Variants in PTPRM observed in about 807,000 individuals in gnomAD.
PTPRM encodes receptor-type tyrosine-protein phosphatase mu.
A neutral mutation model predicts 186.7 loss-of-function variants in PTPRM; 47 were observed. The ratio of observed to expected loss-of-function variants is 0.25; its 90% confidence interval spans 0.20 to 0.32. The LOEUF (loss-of-function observed/expected upper bound fraction) is 0.32, where lower values mean the gene tolerates loss of function less well. Among genes scored for constraint, PTPRM ranks in the 10% least tolerant of loss-of-function variants. The pLI, the probability that PTPRM is intolerant of heterozygous loss-of-function variation, is 1.00. For synonymous variants in PTPRM, 668 were observed against 674.9 expected (o/e 0.99, Z 0.16); for missense variants, 1,494 against 1,865.0 (o/e 0.80, Z 3.66).
chr18:7,906,494 T>G lies in PTPRM; in HGVS notation c.469-11T>G, dbSNP rs776093956. ...ATGAATAAATAATGTAAATCTTTCT[T>G]AATTTTCCAGGTGATTTTTGAAGTG... is the stretch of plus-strand genomic sequence containing the variant. On this transcript the variant is annotated splice_polypyrimidine_tract_variant and intron_variant, in intron 3 of 32. Transcript: ENST00000580170. The G allele has an allele frequency of 6.3e-7, 1 of 1,597,366 alleles. No homozygotes were observed. The highest frequency in any genetic ancestry group is 1.1e-5 in the South Asian group (1 of 90,700).
rs561257833 is a variant in PTPRM, at chr18:7,921,436, A to T, written c.548-5132A>T. On this transcript the variant is annotated intron_variant, in intron 4 of 32. Transcript: ENST00000580170. ...TGCTCTGTCGCCCAGGCTGGAGTGCAGTGGCGCAACCTTGGCTCACTGCAA... is the reference window on the plus strand; with the variant it reads ...TGCTCTGTCGCCCAGGCTGGAGTGCTGTGGCGCAACCTTGGCTCACTGCAA... Among the ~76,000 whole-genome samples the T allele has an allele frequency of 2.0e-5, 3 of 148,756 alleles. No individual in the cohort carries two copies. The South Asian group carries it at 6.4e-4, about 32-fold the overall frequency.
chr18:8,255,916 A>T (rs2094570356), intron 19 of PTPRM, among the ~76,000 whole-genome samples: 1 of 152,178 alleles, frequency 6.6e-6, no homozygotes, highest in African/African-American at 2.4e-5. Context: ...ATGGAATGAC[A>T]TGCTCTGGTC....
chr18:8,352,406 C>T (rs897135354), intron 23 of PTPRM, among the ~76,000 whole-genome samples: 4 of 152,138 alleles, frequency 2.6e-5, no homozygotes, highest in African/African-American at 9.7e-5. Context: ...TGAACATAGT[C>T]CCCAGTAGGT....
At chr18:7,914,935 A>G (rs895846986) in intron 4 of PTPRM, among the ~76,000 whole-genome samples, 1 of 152,154 alleles carries the variant, frequency 6.6e-6, no homozygotes, top group African/African-American at 2.4e-5. Context: ...ATTACATTAA[A>G]ATGTAAGTTA....
At chr18:7,977,387 C>G (rs1363531533) in intron 7 of PTPRM, among the ~76,000 whole-genome samples, 1 of 152,112 alleles carries the variant, frequency 6.6e-6, no homozygotes, top group Non-Finnish European at 1.5e-5. Context: ...CCGCACCCAG[C>G]TTCCTGAGTT....
At chr18:7,916,851 A>C (rs2050589190) in intron 4 of PTPRM, among the ~76,000 whole-genome samples, 1 of 152,134 alleles carries the variant, frequency 6.6e-6, no homozygotes, top group South Asian at 2.1e-4. Context: ...ATTATTGTTA[A>C]TTATAGTCAC....
chr18:7,573,808 C>T (rs2036620677), intron 1 of PTPRM, among the ~76,000 whole-genome samples: 1 of 152,034 alleles, frequency 6.6e-6, no homozygotes, highest in Non-Finnish European at 1.5e-5. Flanking sequence ...CATGGCTGGT[C>T]TTGAACTCCT....
chr18:8,378,823 A>G (rs1177049611), intron 27 of PTPRM, among the ~76,000 whole-genome samples: 1 of 152,020 alleles, frequency 6.6e-6, no homozygotes, highest in Non-Finnish European at 1.5e-5. Context: ...TCACATATGC[A>G]TTTTGTCCAG....
At chr18:8,262,883 C>T (rs2094649321) in intron 19 of PTPRM, among the ~76,000 whole-genome samples, 1 of 152,104 alleles carries the variant, frequency 6.6e-6, no homozygotes, top group Non-Finnish European at 1.5e-5. Context: ...ACACATACAC[C>T]TGTTCCTGGG....
rs554002364 is a variant in PTPRM at position 7,756,429 on chromosome 18, A to G, written c.74-17720A>G. Among the ~76,000 whole-genome samples the G allele has an allele frequency of 9.2e-5, 14 of 152,308 alleles. No homozygotes were observed. In the East Asian group the frequency reaches 1.9e-3, roughly 21 times the overall value. On this transcript the variant is annotated intron_variant, in intron 1 of 32. Transcript: ENST00000580170. ...TGGGAGCAAATTTTCTCGGATATCA[A>G]TTTGAGGAAATAAATCTCACTTCTC...
chr18:8,116,798 A>G (rs2091973276), intron 13 of PTPRM, among the ~76,000 whole-genome samples: 1 of 152,180 alleles, frequency 6.6e-6, no homozygotes. Flanking sequence ...TTGTTTTTCA[A>G]TTCACCAAAG....
intron 1 of PTPRM, among the ~76,000 whole-genome samples, chr18:7,581,509 A>G (rs927966983): frequency 3.9e-5 from 6 of 152,170 alleles, no homozygotes; most frequent in Non-Finnish European, 8.8e-5. Context: ...CACTTCTCAC[A>G]TCATTTTAAT....
Position 8,384,786 on chromosome 18 carries a change from A to G in PTPRM, c.4044+100A>G, listed in dbSNP as rs1049501236. The G allele has an allele frequency of 2.7e-6, 4 of 1,483,338 alleles. No individual in the cohort carries two copies. The African/African-American group carries it at 5.6e-5, about 21-fold the overall frequency. The allele number at this position is 1,483,338 out of a possible 1,614,324, so 91.9% of individuals were successfully genotyped here. On this transcript the variant is annotated intron_variant, in intron 30 of 32. Transcript: ENST00000580170. The stretch of plus-strand genomic sequence containing the variant: ...ACTCTATGTCAGTCACTGTTCCAGG[A>G]GTTTGGAGTATGTCAGTGAACCAAA...
In PTPRM at chr18:7,776,512, CT is replaced by C. The variant is rs34343910; in HGVS notation, c.196+2252del. Among the ~76,000 whole-genome samples the C allele has an allele frequency of 2.2e-3, 320 of 145,774 alleles. 1 individual carries two copies. Among genetic ancestry groups the C allele is most frequent in the Admixed American group, 4.7e-3 (68 of 14,510 alleles). On this transcript the variant is annotated intron_variant, in intron 2 of 32. Transcript: ENST00000580170. ...GAAAATACAGTTTTTCTTTTTCTTT[CT>C]TTTTTTTTTTACTACTCATTAAACA... is the stretch of plus-strand genomic sequence containing the variant.
intron 7 of PTPRM, among the ~76,000 whole-genome samples, chr18:8,023,871 C>T (rs1294221773): frequency 1.5e-4 from 11 of 73,860 alleles, no homozygotes; most frequent in African/African-American, 5.2e-4. Flanking sequence ...CACACACACA[C>T]GCACACCCCT....
intron 2 of PTPRM, among the ~76,000 whole-genome samples, chr18:7,805,647 T>G (rs2044198010): frequency 6.6e-6 from 1 of 152,220 alleles, no homozygotes. Flanking sequence ...TGTCTTATCT[T>G]TTAGTCTGGA....
intron 2 of PTPRM, among the ~76,000 whole-genome samples, chr18:7,859,449 C>T (rs1400054368): frequency 6.6e-6 from 1 of 152,202 alleles, no homozygotes; most frequent in Admixed American, 6.5e-5. Flanking sequence ...ATTATTACTC[C>T]CGTCTCCCAA....
chr18:7,884,903 G>A (rs141068752), intron 2 of PTPRM, among the ~76,000 whole-genome samples: 5,063 of 112,166 alleles, frequency 0.045, 220 homozygotes, highest in African/African-American at 0.12. Flanking sequence ...CAGCCTGGGC[G>A]ACGAGAGCAA....
chr18:7,930,905 AT>A (rs1301349903), intron 5 of PTPRM, among the ~76,000 whole-genome samples: 1 of 151,904 alleles, frequency 6.6e-6, no homozygotes, highest in African/African-American at 2.4e-5. Context: ...ATCTGTTTAT[AT>A]TTTCTTAGTC....
Sources: gnomAD v4.1 joint callset for allele counts (sites outside exome capture counted in the v4.1 genomes callset) on GRCh38, gnomAD v4.1.1 for gene constraint, MANE v1.5 for transcripts, NCBI Gene and HGNC (gene_info 2026-07-23, HGNC 2026-07-21) for gene names.